Variants in MAN1A2 observed in about 807,000 individuals in gnomAD.
MAN1A2 encodes the protein mannosyl-oligosaccharide 1,2-alpha-mannosidase IB.
In MAN1A2, 26 loss-of-function variants were observed where a neutral mutation model predicts 75.7. That is an observed-to-expected ratio of 0.34 (90% confidence interval 0.25 to 0.48). The LOEUF is 0.48. MAN1A2 is among the 20% of genes least tolerant of loss of function. MAN1A2 has a pLI of 0.99. For missense variants in MAN1A2, 562 were observed against 775.5 expected (o/e 0.72, Z 3.27); for synonymous variants, 247 against 264.6 (o/e 0.93, Z 0.65).
At chr1:117,384,930 C>T (rs768321351) in intron 1 of MAN1A2, among the ~76,000 whole-genome samples, 3 of 152,080 alleles carry the variant, frequency 2.0e-5, no homozygotes, top group Non-Finnish European at 4.4e-5. Flanking sequence ...GTCTAAGCCC[C>T]AGCATCATGA....
chr1:117,517,339 A>C (rs1651742334), intron 12 of MAN1A2, among the ~76,000 whole-genome samples: 1 of 152,198 alleles, frequency 6.6e-6, no homozygotes, highest in East Asian at 1.9e-4. Flanking sequence ...ATGAAAATAA[A>C]ACCAACTTAG....
chr1:117,464,350 C>G (rs543625449), intron 7 of MAN1A2, among the ~76,000 whole-genome samples: 94 of 24,462 alleles, frequency 3.8e-3, no homozygotes, highest in African/African-American at 0.015. Context: ...CAGAGCAAGA[C>G]TCTGTCAAAA....
intron 9 of MAN1A2, chr1:117,494,374 C>G (rs1358778527): frequency 6.6e-6 from 1 of 151,864 alleles, no homozygotes; most frequent in Non-Finnish European, 1.5e-5. Context: ...AAACTGATAC[C>G]CACTTAACAA....
At chr1:117,484,690 A>G (rs11805638) in intron 8 of MAN1A2, among the ~76,000 whole-genome samples, 32,993 of 151,924 alleles carry the variant, frequency 0.22, 4,676 homozygotes, top group East Asian at 0.42. Context: ...CACATTTATG[A>G]TTTAATACTG....
intron 5 of MAN1A2, among the ~76,000 whole-genome samples, chr1:117,423,707 G>C (rs1179620882): frequency 6.6e-6 from 1 of 151,772 alleles, no homozygotes; most frequent in African/African-American, 2.4e-5. Flanking sequence ...GTTGTCTCAG[G>C]ACATTTTGTT....
At chr1:117,370,080 A>G (rs1652908751) in intron 1 of MAN1A2, among the ~76,000 whole-genome samples, 1 of 152,256 alleles carries the variant, frequency 6.6e-6, no homozygotes, top group South Asian at 2.1e-4. Context: ...AAAATATGAA[A>G]TTTGAATGAA....
intron 6 of MAN1A2, among the ~76,000 whole-genome samples, chr1:117,455,420 G>A (rs1164759174): frequency 6.6e-6 from 1 of 152,076 alleles, no homozygotes; most frequent in Non-Finnish European, 1.5e-5. Flanking sequence ...TTGTATACCA[G>A]TCTTTGTTTT....
At chr1:117,519,703 A>G (rs952224019) in intron 12 of MAN1A2, among the ~76,000 whole-genome samples, 5 of 152,058 alleles carry the variant, frequency 3.3e-5, no homozygotes, top group African/African-American at 9.7e-5. Flanking sequence ...TACCAACAAA[A>G]AAAAGCCCAG....
At chr1:117,469,153 A>G (rs1178528159) in intron 8 of MAN1A2, among the ~76,000 whole-genome samples, 1 of 152,134 alleles carries the variant, frequency 6.6e-6, no homozygotes, top group Non-Finnish European at 1.5e-5. Flanking sequence ...AGCCTGGGTG[A>G]CAGAGCGAGA....
intron 12 of MAN1A2, among the ~76,000 whole-genome samples, chr1:117,509,812 A>G (rs1228429934): frequency 1.5e-5 from 1 of 66,914 alleles, no homozygotes; most frequent in Non-Finnish European, 3.4e-5. Flanking sequence ...AACTGAAGAA[A>G]TGACAAAAAA....
At chr1:117,391,761 A>G (rs1653727123) in intron 1 of MAN1A2, among the ~76,000 whole-genome samples, 1 of 152,168 alleles carries the variant, frequency 6.6e-6, no homozygotes, top group Non-Finnish European at 1.5e-5. Context: ...CAGGTCTAAA[A>G]TCATACACAT....
chr1:117,377,885 G>C (rs935195430), intron 1 of MAN1A2, among the ~76,000 whole-genome samples: 2 of 152,112 alleles, frequency 1.3e-5, no homozygotes, highest in African/African-American at 4.8e-5. Context: ...TGGATCACGA[G>C]GTCAGGTGAT....
chr1:117,409,001 A>T (rs1466158563), intron 3 of MAN1A2, among the ~76,000 whole-genome samples: 3 of 152,032 alleles, frequency 2.0e-5, no homozygotes, highest in Non-Finnish European at 2.9e-5. Context: ...TTCATTTCTA[A>T]TATTATTGAT....
At chr1:117,514,469 C>T (rs1480128885) in intron 12 of MAN1A2, among the ~76,000 whole-genome samples, 3 of 151,802 alleles carry the variant, frequency 2.0e-5, no homozygotes, top group East Asian at 1.9e-4. Flanking sequence ...ATGTTATTGT[C>T]GTATCCTCTC....
At chr1:117,461,475 T>G (rs1231300538) in intron 7 of MAN1A2, among the ~76,000 whole-genome samples, 2 of 152,076 alleles carry the variant, frequency 1.3e-5, no homozygotes, top group African/African-American at 4.8e-5. Flanking sequence ...ATGAATAAGA[T>G]CTAATGTTTG....
rs1413647185 is a variant in MAN1A2 at position 117,382,413 on chromosome 1, A to T, written c.302+13928A>T. On this transcript the variant is annotated intron_variant, in intron 1 of 12. Coordinates refer to ENST00000356554, the MANE Select transcript of MAN1A2 (RefSeq NM_006699.5). ...CTTTCTACATATGGCTAGCCAGTTTACCCAGCACCATTTATTAAATAGGGA... is the reference window on the plus strand; with the variant it reads ...CTTTCTACATATGGCTAGCCAGTTTTCCCAGCACCATTTATTAAATAGGGA... Among the ~76,000 whole-genome samples, 26 of 152,140 alleles carry T rather than the reference A, an allele frequency of 1.7e-4. No homozygotes were observed. In the East Asian group the frequency reaches 2.7e-3, roughly 16 times the overall value.
intron 8 of MAN1A2, among the ~76,000 whole-genome samples, chr1:117,485,961 A>G (rs1012977712): frequency 7.9e-5 from 12 of 152,004 alleles, no homozygotes; most frequent in Non-Finnish European, 1.6e-4. Context: ...ATTAGTGACA[A>G]TTAGGTCTAC....
At chr1:117,500,231 A>G (rs972763610) in intron 11 of MAN1A2, among the ~76,000 whole-genome samples, 3 of 152,060 alleles carry the variant, frequency 2.0e-5, no homozygotes, top group African/African-American at 7.2e-5. Context: ...TGTTCAGGAA[A>G]TAAGACGTGT....
chr1:117,523,413 A>G lies in MAN1A2; in HGVS notation c.*456A>G. 1 of 342,306 alleles carries G rather than the reference A, an allele frequency of 2.9e-6. No homozygotes were observed. Among genetic ancestry groups the G allele is most frequent in the Admixed American group, 4.0e-5 (1 of 25,058 alleles). The allele number at this position is 342,306 out of a possible 1,614,324, so 21.2% of individuals were successfully genotyped here. On this transcript the variant is annotated 3_prime_UTR_variant, in exon 13 of 13. Coordinates refer to ENST00000356554, the MANE Select transcript of MAN1A2 (RefSeq NM_006699.5). ...ACATATTGCTTATCACTTTTTCTCC[A>G]TTTTAATAATGGAATGAACTAAAAT...
Sources: allele counts gnomAD v4.1 joint callset (sites outside exome capture counted in the v4.1 genomes callset), GRCh38; gene constraint gnomAD v4.1.1; transcripts MANE v1.5; gene names NCBI Gene and HGNC (gene_info 2026-07-23, HGNC 2026-07-21).